Variants in MAD1L1 observed in about 807,000 individuals in gnomAD.
MAD1L1 encodes mitotic arrest deficient 1 like 1.
MAD1L1 carries 95 observed loss-of-function variants against 96.9 expected under a neutral mutation model. That is an observed-to-expected ratio of 0.98 (90% confidence interval 0.83 to 1.16). The LOEUF (loss-of-function observed/expected upper bound fraction) is 1.16, where lower values mean the gene tolerates loss of function less well. Among genes scored for constraint, MAD1L1 ranks in the 50% most tolerant of loss-of-function variants. The pLI, the probability that MAD1L1 is intolerant of heterozygous loss-of-function variation, is 0.00. For missense variants in MAD1L1, 1,007 were observed against 954.4 expected, an observed-to-expected ratio of 1.06 and a Z score of -0.73; for synonymous variants, 473 against 396.6, an observed-to-expected ratio of 1.19 and a Z score of -2.29.
intron 18 of MAD1L1, among the ~76,000 whole-genome samples, chr7:1,851,191 A>C (rs1334657576): frequency 6.6e-6 from 1 of 152,186 alleles, no homozygotes; most frequent in African/African-American, 2.4e-5. Context: ...TGCCCAGACC[A>C]GAGCGGGCGG....
intron 18 of MAD1L1, among the ~76,000 whole-genome samples, chr7:1,877,508 C>G (rs138324521): frequency 2.0e-5 from 3 of 150,756 alleles, no homozygotes; most frequent in Admixed American, 2.0e-4. Flanking sequence ...AAAGAATATA[C>G]GAGACAAAAA....
At chr7:2,219,108 G>C (rs1206395583) in intron 6 of MAD1L1, among the ~76,000 whole-genome samples, 2 of 152,260 alleles carry the variant, frequency 1.3e-5, no homozygotes, top group South Asian at 2.1e-4. Context: ...CTAAGAAGGA[G>C]GGGGAGGAAG....
chr7:2,175,108 C>A (rs570290617), intron 10 of MAD1L1: 85 of 152,356 alleles, frequency 5.6e-4, no homozygotes, highest in Admixed American at 1.6e-3. Flanking sequence ...TCGGCGGTCA[C>A]ACAGAGTTCA....
In MAD1L1 at chr7:2,015,416, G is replaced by A. The variant is rs529599093; in HGVS notation, c.1219-774C>T. 1.8e-4 allele frequency among the ~76,000 whole-genome samples: 28 copies of A among 152,314 alleles called. No individual in the cohort carries two copies. In the East Asian group the frequency reaches 4.6e-3, roughly 25 times the overall value. ...AGTGTCAGGGCTGATTCCTAGAGCC[G>A]GGCAGAAACCCCTGCTCAGTTGTGT... On this transcript the variant is annotated intron_variant, in intron 12 of 18. Transcript: ENST00000265854.
intron 18 of MAD1L1, among the ~76,000 whole-genome samples, chr7:1,862,525 G>C (rs540402374): frequency 1.3e-5 from 2 of 152,208 alleles, no homozygotes; most frequent in Non-Finnish European, 2.9e-5. Flanking sequence ...CTCCCAAGCT[G>C]TGTGAGTCTC....
chr7:1,875,456 C>A (rs1206423254), intron 18 of MAD1L1, among the ~76,000 whole-genome samples: 2 of 152,226 alleles, frequency 1.3e-5, no homozygotes, highest in African/African-American at 4.8e-5. Context: ...GGGGGCGGGT[C>A]TGCAGCAGGA....
At chr7:1,875,471 T>C (rs1033160171) in intron 18 of MAD1L1, among the ~76,000 whole-genome samples, 10 of 152,174 alleles carry the variant, frequency 6.6e-5, no homozygotes, top group Non-Finnish European at 1.2e-4. Flanking sequence ...GCAGGAAGGC[T>C]GGGCACACCC....
intron 10 of MAD1L1, among the ~76,000 whole-genome samples, chr7:2,166,838 C>T (rs1273599770): frequency 1.3e-5 from 2 of 152,210 alleles, no homozygotes; most frequent in African/African-American, 4.8e-5. Context: ...GTGACAAGGG[C>T]CTCAAACAGA....
chr7:2,096,284 A>G (rs200159662), intron 11 of MAD1L1, among the ~76,000 whole-genome samples: 2 of 152,186 alleles, frequency 1.3e-5, no homozygotes, highest in East Asian at 3.9e-4. Flanking sequence ...GATCCCAGGG[A>G]GAACTCACAC....
At chr7:1,949,566 G>A (rs1477128970) in intron 16 of MAD1L1, among the ~76,000 whole-genome samples, 3 of 152,172 alleles carry the variant, frequency 2.0e-5, no homozygotes, top group African/African-American at 7.2e-5. Context: ...AAGTGGAGGC[G>A]GCGGGGAGGG....
At chr7:2,027,958 C>T (rs11764212) in intron 12 of MAD1L1, among the ~76,000 whole-genome samples, 4 of 152,012 alleles carry the variant, frequency 2.6e-5, no homozygotes, top group African/African-American at 9.7e-5. Context: ...ATATAATCTA[C>T]AAATAAATTA....
chr7:2,169,325 T>C (rs1382899830), intron 10 of MAD1L1, among the ~76,000 whole-genome samples: 1 of 152,214 alleles, frequency 6.6e-6, no homozygotes, highest in Non-Finnish European at 1.5e-5. Flanking sequence ...CTTCTTTTTA[T>C]GTATCTGTAT....
chr7:1,888,239 G>A (rs1396164264), intron 18 of MAD1L1, among the ~76,000 whole-genome samples: 1 of 143,818 alleles, frequency 7.0e-6, no homozygotes, highest in Non-Finnish European at 1.5e-5. Flanking sequence ...CATGTATGTG[G>A]CTGCCTATGC....
intron 10 of MAD1L1, among the ~76,000 whole-genome samples, chr7:2,178,795 G>T (rs942448988): frequency 4.6e-5 from 7 of 151,932 alleles, no homozygotes; most frequent in Non-Finnish European, 7.4e-5. Context: ...TACCTGGGAG[G>T]CTGAGGCAGG....
chr7:2,119,080 G>A lies in MAD1L1; in HGVS notation c.1073+30072C>T, dbSNP rs1029679454. On this transcript the variant is annotated intron_variant, in intron 11 of 18. Transcript: ENST00000265854. This position sits in a 1 kb window ranked among gnomAD's most constrained non-coding sequence, Gnocchi z 4.6. ...CGGACAAGCAGGAGCGGCTGGGCTC[G>A]AGCTCCAGGGCTTCAGGGTGACTGC... 5.3e-5 allele frequency among the ~76,000 whole-genome samples: 8 copies of A among 151,996 alleles called. No individual in the cohort carries two copies. The highest frequency in any genetic ancestry group is 8.8e-5 in the Non-Finnish European group (6 of 67,994).
chr7:1,986,738 C>T (rs1781169609), intron 14 of MAD1L1, among the ~76,000 whole-genome samples: 1 of 152,162 alleles, frequency 6.6e-6, no homozygotes, highest in Non-Finnish European at 1.5e-5. Flanking sequence ...TTTCACGCTT[C>T]TTGTTATTTG....
intron 11 of MAD1L1, among the ~76,000 whole-genome samples, chr7:2,111,688 C>A (rs548905019): frequency 6.6e-6 from 1 of 152,198 alleles, no homozygotes; most frequent in African/African-American, 2.4e-5. Context: ...AGCAGCCGCA[C>A]GCTGGAAAAC....
intron 10 of MAD1L1, chr7:2,175,219 C>A (rs564801416): frequency 6.6e-6 from 1 of 152,268 alleles, no homozygotes; most frequent in East Asian, 1.9e-4. Context: ...CCCGGCTGCA[C>A]TGGGCTGAGC....
intron 12 of MAD1L1, among the ~76,000 whole-genome samples, chr7:2,017,367 C>T (rs1416343506): frequency 7.2e-5 from 11 of 152,194 alleles, no homozygotes; most frequent in Admixed American, 2.6e-4. Context: ...AGAAACGTCC[C>T]GGTTCTAAGG....
Sources: allele counts gnomAD v4.1 joint callset (sites outside exome capture counted in the v4.1 genomes callset), GRCh38; gene constraint gnomAD v4.1.1; non-coding constraint Gnocchi (gnomAD v3.1); transcripts MANE v1.5; gene names NCBI Gene and HGNC (gene_info 2026-07-23, HGNC 2026-07-21).